Variants in ANKRD30B observed in about 807,000 individuals in gnomAD.
ANKRD30B encodes ankyrin repeat domain-containing protein 30B.
In ANKRD30B, 144 loss-of-function variants were observed where a neutral mutation model predicts 202.2. The ratio of observed to expected loss-of-function variants is 0.71; its 90% CI spans 0.62 to 0.82. ANKRD30B has a LOEUF of 0.82. ANKRD30B is among the 40% of genes least tolerant of loss of function. The probability of loss-of-function intolerance (pLI) is 0.00; values close to 1 mark genes in which losing one functional copy is unlikely to be tolerated. For missense variants in ANKRD30B, 1,487 were observed against 1,669.1 expected (o/e 0.89, Z 1.90); for synonymous variants, 508 against 561.3 (o/e 0.91, Z 1.34).
intron 3 of ANKRD30B, 121 bp downstream of exon 3, chr18:14,753,133 A>G: frequency 1.3e-6 from 1 of 786,782 alleles, no homozygotes. Context: ...ATTTGAAAGA[A>G]CTTAATTATC....
Position 14,772,187 on chromosome 18 carries a change from C to A in ANKRD30B, c.1288C>A (p.Gln430Lys). 6.6e-7 allele frequency: 1 copy of A among 1,507,536 alleles called. No homozygotes were observed. The highest frequency in any genetic ancestry group is 8.9e-7 in the Non-Finnish European group (1 of 1,121,104). 93.4% of individuals were successfully genotyped at this position (1,507,536 alleles called of 1,614,324 possible). The part of the protein sequence containing the change: ...LFGTRTIENS[Q>K]CTKVEEDFNL... ...TGGCACACGGACTATTGAAAATTCA[C>A]AGTGTACAAAAGTTGAGGAAGACTT... The change falls in exon 9 of 44, where the codon CAG becomes AAG. Residue 430 changes from glutamine to lysine, a missense_variant. Coordinates refer to ENST00000690538, the MANE Select transcript of ANKRD30B (RefSeq NM_001367607.2).
intron 4 of ANKRD30B, among the ~76,000 whole-genome samples, chr18:14,755,382 A>G (rs1444005340): frequency 6.6e-6 from 1 of 151,962 alleles, no homozygotes; most frequent in Non-Finnish European, 1.5e-5. Context: ...TCTTTTTTAT[A>G]CACTTTTTTA....
chr18:14,816,140 A>G (rs575336062), intron 30 of ANKRD30B: 39 of 152,338 alleles, frequency 2.6e-4, no homozygotes, highest in African/African-American at 8.7e-4. Flanking sequence ...GACACATGGT[A>G]TAGCATTCTA....
At chr18:14,903,980 T>C in the ANKRD30B span, among the ~76,000 whole-genome samples, 1 of 152,208 alleles carries the variant, frequency 6.6e-6, no homozygotes, top group Admixed American at 6.5e-5. Flanking sequence ...CCCCAATCAT[T>C]AGATTATAAA....
chr18:14,874,468 A>T, the ANKRD30B span, among the ~76,000 whole-genome samples: 8 of 152,232 alleles, frequency 5.3e-5, no homozygotes, highest in Admixed American at 1.3e-4. Flanking sequence ...TTTTAAGTGT[A>T]ATACAATTTG....
intron 42 of ANKRD30B, among the ~76,000 whole-genome samples, chr18:14,852,899 C>T (rs1971948806): frequency 6.6e-6 from 1 of 152,114 alleles, no homozygotes; most frequent in Non-Finnish European, 1.5e-5. Context: ...CTTGTAATAA[C>T]ACTTTTTAAG....
At position 14,780,125 on chromosome 18, in the gene ANKRD30B, T is replaced by C. The variant is rs1199934423; in HGVS notation, c.1482+104T>C. 3.7e-6 allele frequency: 3 copies of C among 812,056 alleles called. No individual in the cohort carries two copies. In the African/African-American group the frequency reaches 5.4e-5, roughly 15 times the overall value. The allele number at this position is 812,056 out of a possible 1,614,324, so 50.3% of individuals were successfully genotyped here. A position where few individuals can be genotyped will look rare whatever the true frequency, so the allele number is the denominator to read the frequency against. On this transcript the variant is annotated intron_variant, in intron 11 of 43. Transcript: ENST00000690538. ...GACTTGGTTCTCTTACCACTGCATA[T>C]GCTCAGAAGAAATTCTGATATTTCT...
intron 5 of ANKRD30B, 96 bp from the exon 6 acceptor site, chr18:14,760,458 T>G: frequency 1.5e-6 from 1 of 670,606 alleles, no homozygotes; most frequent in South Asian, 2.0e-5. Flanking sequence ...TTAGCTCTGA[T>G]ATTGTCTGAA....
chr18:14,807,467 T>C lies in ANKRD30B; in HGVS notation c.2285-1084T>C, dbSNP rs868431192. ...TAACCATTATTCTAACATTGAAATATGCAGGTTAATGATATGTAAAAAGTC... is the reference window on the plus strand; with the variant it reads ...TAACCATTATTCTAACATTGAAATACGCAGGTTAATGATATGTAAAAAGTC... On this transcript the variant is annotated intron_variant, in intron 24 of 43. Transcript: ENST00000690538. Among the ~76,000 whole-genome samples, 9 of 149,276 alleles carry C rather than the reference T, an allele frequency of 6.0e-5. No homozygotes were observed. In the Middle Eastern group the frequency reaches 0.01, roughly 172 times the overall value.
At chr18:14,935,356 T>TG in the ANKRD30B span, among the ~76,000 whole-genome samples, 1 of 152,212 alleles carries the variant, frequency 6.6e-6, no homozygotes, top group Non-Finnish European at 1.5e-5. Flanking sequence ...GAGACAGCCC[T>TG]GGGCCTTTTG....
intron 6 of ANKRD30B, 124 bp downstream of exon 6, chr18:14,760,742 GTGGGTGTGTGTGTGTA>G: frequency 1.6e-6 from 1 of 626,322 alleles, no homozygotes; most frequent in Non-Finnish European, 2.8e-6. Flanking sequence ...ATACATATAT[GTGGGTGTGTGTGTGTA>G]TATATATGTA....
chr18:14,886,667 A>G, the ANKRD30B span, among the ~76,000 whole-genome samples: 2 of 152,088 alleles, frequency 1.3e-5, no homozygotes, highest in South Asian at 4.1e-4. Flanking sequence ...GATTAGTTTT[A>G]TTATGTATTT....
the ANKRD30B span, among the ~76,000 whole-genome samples, chr18:14,893,106 C>A: frequency 6.6e-6 from 1 of 152,114 alleles, no homozygotes; most frequent in Non-Finnish European, 1.5e-5. Context: ...AATAACATAT[C>A]TAAAAGACAA....
chr18:14,940,503 A>T, the ANKRD30B span, among the ~76,000 whole-genome samples: 1 of 152,200 alleles, frequency 6.6e-6, no homozygotes, highest in Non-Finnish European at 1.5e-5. Flanking sequence ...GGAAATGGCA[A>T]ATGTTCATCC....
At chr18:14,860,061 C>A in the ANKRD30B span, among the ~76,000 whole-genome samples, 1 of 149,126 alleles carries the variant, frequency 6.7e-6, no homozygotes, top group East Asian at 2.0e-4. Flanking sequence ...GGCAGAGGCG[C>A]TCCTCACCTC....
the ANKRD30B span, among the ~76,000 whole-genome samples, chr18:14,894,231 C>G: frequency 6.6e-6 from 1 of 152,060 alleles, no homozygotes; most frequent in African/African-American, 2.4e-5. Context: ...AAGTGGGGAA[C>G]TTTGATCTAA....
At chr18:14,898,676 T>C in the ANKRD30B span, among the ~76,000 whole-genome samples, 1 of 152,230 alleles carries the variant, frequency 6.6e-6, no homozygotes, top group Non-Finnish European at 1.5e-5. Context: ...TTTGTCCCAT[T>C]GATTTACCTG....
chr18:14,799,352 T>G, intron 22 of ANKRD30B, 57 bp downstream of exon 22: 1 of 1,400,732 alleles, frequency 7.1e-7, no homozygotes, highest in East Asian at 2.5e-5. Context: ...CTATTTGAAA[T>G]GCTGAGCACC....
intron 5 of ANKRD30B, among the ~76,000 whole-genome samples, chr18:14,759,706 A>C (rs1914950814): frequency 6.6e-6 from 1 of 152,182 alleles, no homozygotes; most frequent in African/African-American, 2.4e-5. Flanking sequence ...TGAGGTCGGT[A>C]ATAGAGGATA....
Sources: allele counts gnomAD v4.1 joint callset (sites outside exome capture counted in the v4.1 genomes callset), GRCh38; gene constraint gnomAD v4.1.1; transcripts MANE v1.5; gene names NCBI Gene and HGNC (gene_info 2026-07-23, HGNC 2026-07-21).